CORIN: variants seen among roughly 807,000 people sequenced by gnomAD.
The protein encoded by CORIN is atrial natriuretic peptide-converting enzyme.
A neutral mutation model predicts 125.3 loss-of-function variants in CORIN; 117 were observed. The observed-to-expected ratio is 0.93, with a 90% CI of 0.80 to 1.09. The LOEUF (loss-of-function observed/expected upper bound fraction) is 1.09, where lower values mean the gene tolerates loss of function less well. Among genes scored for constraint, CORIN ranks in the 50% least tolerant of loss-of-function variants. The probability of loss-of-function intolerance (pLI) is 0.00; values close to 1 mark genes in which losing one functional copy is unlikely to be tolerated. For missense variants in CORIN, 1,253 were observed against 1,306.7 expected, an observed-to-expected ratio of 0.96 and a Z score of 0.63; for synonymous variants, 450 against 466.4, an observed-to-expected ratio of 0.96 and a Z score of 0.45.
At chr4:47,646,079 C>T (rs6447575) in intron 13 of CORIN, among the ~76,000 whole-genome samples, 18,473 of 142,076 alleles carry the variant, frequency 0.13, 1,399 homozygotes, top group African/African-American at 0.22. Flanking sequence ...ACATAGGGGA[C>T]ATGGAGAAAA....
intron 10 of CORIN, among the ~76,000 whole-genome samples, chr4:47,673,568 C>A (rs1195535792): frequency 6.6e-6 from 1 of 152,036 alleles, no homozygotes; most frequent in African/African-American, 2.4e-5. Flanking sequence ...TTTCTGATTC[C>A]ATTTTCCATG....
At chr4:47,623,023 A>G (rs1434696376) in intron 19 of CORIN, among the ~76,000 whole-genome samples, 2 of 150,246 alleles carry the variant, frequency 1.3e-5, no homozygotes, top group South Asian at 2.1e-4. Context: ...TACTTCTGCT[A>G]TGACAAGGCT....
intron 3 of CORIN, among the ~76,000 whole-genome samples, chr4:47,769,260 T>C (rs1402023099): frequency 6.6e-6 from 1 of 151,430 alleles, no homozygotes; most frequent in Non-Finnish European, 1.5e-5. Context: ...AAAAAAGAAA[T>C]CGAGAAAACA....
intron 6 of CORIN, among the ~76,000 whole-genome samples, chr4:47,689,156 G>A (rs1006205351): frequency 6.6e-6 from 1 of 152,164 alleles, no homozygotes; most frequent in Middle Eastern, 3.2e-3. Flanking sequence ...AGAGGTGCTG[G>A]GTGGGAGTGG....
intron 19 of CORIN, among the ~76,000 whole-genome samples, chr4:47,617,902 GGA>G (rs1270092138): frequency 2.7e-5 from 4 of 150,448 alleles, no homozygotes; most frequent in Non-Finnish European, 5.9e-5. Flanking sequence ...CTTGGGAATA[GGA>G]GAGAGAGATG....
intron 6 of CORIN, among the ~76,000 whole-genome samples, chr4:47,684,642 G>T (rs1560504641): frequency 6.6e-6 from 1 of 152,162 alleles, no homozygotes; most frequent in African/African-American, 2.4e-5. Flanking sequence ...ATGAAATAGT[G>T]TGTGTAAGGC....
intron 20 of CORIN, among the ~76,000 whole-genome samples, chr4:47,602,856 G>A (rs6834954): frequency 0.054 from 8,193 of 152,004 alleles, 336 homozygotes; most frequent in East Asian, 0.17. Context: ...GGGAAATTAC[G>A]GCCAAAAGCT....
At chr4:47,731,609 G>T (rs549271378) in intron 5 of CORIN, among the ~76,000 whole-genome samples, 1 of 152,068 alleles carries the variant, frequency 6.6e-6, no homozygotes, top group Non-Finnish European at 1.5e-5. Flanking sequence ...GGTGGCTCAC[G>T]CCTGTAAACC....
At position 47,623,727 on chromosome 4, in the gene CORIN, GCAGGGCGGCGCC is replaced by G. The variant is rs758410173; in HGVS notation, c.2372_2383del (p.Gly791_Pro794del). 6.2e-7 allele frequency: 1 copy of G among 1,614,204 alleles called. No individual in the cohort carries two copies. The highest frequency in any genetic ancestry group is 8.5e-7 in the Non-Finnish European group (1 of 1,180,022). Reference sequence around the variant, plus strand: ...AAGGATCCTTTTGTTCATTCGGGCAGCAGGGCGGCGCCCACAGTCTACCAAGGAGCAGAAGAC... The same window carrying G: ...AAGGATCCTTTTGTTCATTCGGGCAGCACAGTCTACCAAGGAGCAGAAGAC... On this transcript the variant is annotated inframe_deletion, in exon 19 of 22. Coordinates refer to ENST00000273857, the MANE Select transcript of CORIN (RefSeq NM_006587.4).
intron 19 of CORIN, among the ~76,000 whole-genome samples, chr4:47,618,362 G>A (rs1227599032): frequency 1.3e-5 from 2 of 151,390 alleles, no homozygotes; most frequent in South Asian, 2.1e-4. Flanking sequence ...AAAGGAAAGG[G>A]AAGGGAAGGG....
chr4:47,732,319 T>C (rs1727911998), intron 5 of CORIN, among the ~76,000 whole-genome samples: 1 of 152,024 alleles, frequency 6.6e-6, no homozygotes, highest in South Asian at 2.1e-4. Context: ...ACAAAAGTCT[T>C]CCATTGCAGG....
intron 12 of CORIN, among the ~76,000 whole-genome samples, chr4:47,660,428 TG>T (rs1560493731): frequency 6.6e-6 from 1 of 152,152 alleles, no homozygotes; most frequent in African/African-American, 2.4e-5. Flanking sequence ...AATATCCATA[TG>T]ATAAGGGATT....
chr4:47,653,726 A>G, intron 12 of CORIN, 66 bp from the exon 13 acceptor site: 1 of 1,363,386 alleles, frequency 7.3e-7, no homozygotes. Context: ...TTATGTATTT[A>G]CATGTAGGAT....
At chr4:47,758,494 G>T (rs1017001281) in intron 4 of CORIN, among the ~76,000 whole-genome samples, 1 of 151,956 alleles carries the variant, frequency 6.6e-6, no homozygotes, top group African/African-American at 2.4e-5. Context: ...AGTTTGCATG[G>T]AAACACAAAA....
chr4:47,662,914 G>A (rs1724315421), intron 11 of CORIN, among the ~76,000 whole-genome samples: 2 of 152,064 alleles, frequency 1.3e-5, no homozygotes, highest in African/African-American at 4.8e-5. Flanking sequence ...AGGAATTTGT[G>A]GTAAAGATAA....
chr4:47,729,576 C>T (rs1727763867), intron 5 of CORIN, among the ~76,000 whole-genome samples: 1 of 152,044 alleles, frequency 6.6e-6, no homozygotes, highest in South Asian at 2.1e-4. Context: ...AGTGGGATGT[C>T]TATGTTGCAC....
At chr4:47,641,656 T>C (rs1207454183) in intron 16 of CORIN, among the ~76,000 whole-genome samples, 1 of 152,220 alleles carries the variant, frequency 6.6e-6, no homozygotes, top group African/African-American at 2.4e-5. Context: ...TTATAAATAA[T>C]GAAAGCATTT....
chr4:47,640,431 T>C (rs575733904), intron 16 of CORIN, among the ~76,000 whole-genome samples: 9 of 152,180 alleles, frequency 5.9e-5, no homozygotes, highest in Non-Finnish European at 1.3e-4. Context: ...ATATCCAGAA[T>C]AGGCCAATTT....
At chr4:47,698,570 TCATTA>T (rs1213855000) in intron 5 of CORIN, among the ~76,000 whole-genome samples, 1 of 151,770 alleles carries the variant, frequency 6.6e-6, no homozygotes, top group African/African-American at 2.4e-5. Context: ...AACACAAGAG[TCATTA>T]CATGGTTTTC....
Sources: gnomAD v4.1 joint callset for allele counts (sites outside exome capture counted in the v4.1 genomes callset) on GRCh38, gnomAD v4.1.1 for gene constraint, MANE v1.5 for transcripts, NCBI Gene and HGNC (gene_info 2026-07-23, HGNC 2026-07-21) for gene names.